Variants in C14orf132 observed in about 807,000 individuals in gnomAD.
The protein encoded by C14orf132 is chromosome 14 open reading frame 132.
In C14orf132, 6 loss-of-function variants were observed where a neutral mutation model predicts 5.8. The observed-to-expected ratio is 1.03, with a 90% CI of 0.57 to 2.04. The LOEUF (loss-of-function observed/expected upper bound fraction) is 2.04, where lower values mean the gene tolerates loss of function less well. Ranked by LOEUF, C14orf132 falls within the 30% of genes most tolerant of loss-of-function variation. C14orf132 has a pLI of 0.00. For synonymous variants in C14orf132, 51 were observed against 49.8 expected (o/e 1.02, Z -0.10); for missense variants, 125 against 115.8 (o/e 1.08, Z -0.37).
At position 96,065,731 on chromosome 14, in the gene C14orf132, A is replaced by G. The variant is rs953202630; in HGVS notation, c.28-20780A>G. The stretch of plus-strand genomic sequence containing the variant: ...AACGAGATAACAATTGAACAAACAC[A>G]TTCCCCACCCATCCTCCTAAGGCCC... On this transcript the variant is annotated intron_variant, in intron 1 of 1. Transcript: ENST00000555004. Among the ~76,000 whole-genome samples the G allele has an allele frequency of 2.0e-5, 3 of 152,022 alleles. No individual in the cohort carries two copies. The East Asian group carries it at 5.8e-4, about 29-fold the overall frequency.
rs78548502 is a variant in C14orf132 at position 96,056,760 on chromosome 14, A to G, written c.27+17233A>G. On this transcript the variant is annotated intron_variant, in intron 1 of 1. Coordinates refer to ENST00000555004, the MANE Select transcript of C14orf132 (RefSeq NM_001252507.3). Reference sequence around the variant, plus strand: ...ATCTCTTATTTCATGGGGAGATGGAAAAACTCCTGGAGTTGCAGTCAGAAA... The same window carrying G: ...ATCTCTTATTTCATGGGGAGATGGAGAAACTCCTGGAGTTGCAGTCAGAAA... Among the ~76,000 whole-genome samples the G allele has an allele frequency of 3.9e-5, 6 of 152,244 alleles. No homozygotes were observed. The East Asian group carries it at 1.2e-3, about 29-fold the overall frequency.
In C14orf132 at chr14:96,090,987, T is replaced by C. The variant is rs1438065214; in HGVS notation, c.*4252T>C. Reference sequence around the variant, plus strand: ...ACCGGTGCCAGTTTTGCACATCTTTTTGTTGCTCTATTTGTGTCTCATTTA... The same window carrying C: ...ACCGGTGCCAGTTTTGCACATCTTTCTGTTGCTCTATTTGTGTCTCATTTA... On this transcript the variant is annotated 3_prime_UTR_variant, in exon 2 of 2. Coordinates refer to ENST00000555004, the MANE Select transcript of C14orf132 (RefSeq NM_001252507.3). 2.2e-6 allele frequency: 1 copy of C among 456,050 alleles called. No individual in the cohort carries two copies. Among genetic ancestry groups the C allele is most frequent in the African/African-American group, 2.0e-5 (1 of 50,104 alleles). 28.3% of individuals were successfully genotyped at this position (456,050 alleles called of 1,614,324 possible). A position where few individuals can be genotyped will look rare whatever the true frequency, so the allele number is the denominator to read the frequency against.
chr14:96,074,890 A>T (rs1162875316), intron 1 of C14orf132, among the ~76,000 whole-genome samples: 2 of 148,456 alleles, frequency 1.3e-5, no homozygotes, highest in Non-Finnish European at 3.0e-5. Flanking sequence ...AATTGTTTTG[A>T]TTATGCTTAG....
chr14:96,066,480 G>A (rs532260665), intron 1 of C14orf132, among the ~76,000 whole-genome samples: 1 of 152,216 alleles, frequency 6.6e-6, no homozygotes, highest in South Asian at 2.1e-4. Context: ...CCAACTGTGG[G>A]TTGAGGCATG....
intron 1 of C14orf132, among the ~76,000 whole-genome samples, chr14:96,064,423 T>G (rs921409066): frequency 6.6e-6 from 1 of 150,460 alleles, no homozygotes; most frequent in Non-Finnish European, 1.5e-5. Context: ...TATACACATA[T>G]ATACACATAT....
chr14:96,085,718 T>C (rs999494285), intron 1 of C14orf132, among the ~76,000 whole-genome samples: 2 of 152,170 alleles, frequency 1.3e-5, no homozygotes, highest in African/African-American at 4.8e-5. Context: ...CCCTAATAGA[T>C]AACAATGTGT....
chr14:96,062,609 G>A (rs1224607678), intron 1 of C14orf132, among the ~76,000 whole-genome samples: 1 of 152,084 alleles, frequency 6.6e-6, no homozygotes, highest in Non-Finnish European at 1.5e-5. Context: ...AAGTCCTCCT[G>A]CCCAGCTCCC....
rs77519918 is a variant in C14orf132, at chr14:96,080,493, T to C, written c.28-6018T>C. Among the ~76,000 whole-genome samples the C allele has an allele frequency of 0.015, 2,346 of 152,284 alleles. 231 individuals carry two copies. The East Asian group carries it at 0.28, about 18-fold the overall frequency. On this transcript the variant is annotated intron_variant, in intron 1 of 1. Coordinates refer to ENST00000555004, the MANE Select transcript of C14orf132 (RefSeq NM_001252507.3). ...ACAAGCCATCACAATCACCCTTCTATTGTTTTGTGTTTACCCATCCTCTGA... is the reference window on the plus strand; with the variant it reads ...ACAAGCCATCACAATCACCCTTCTACTGTTTTGTGTTTACCCATCCTCTGA...
Position 96,088,947 on chromosome 14 carries a change from G to A in C14orf132, c.*2212G>A, listed in dbSNP as rs897625386. 2 of 152,292 alleles carry A rather than the reference G, an allele frequency of 1.3e-5. No homozygotes were observed. The highest frequency in any genetic ancestry group is 2.9e-5 in the Non-Finnish European group (2 of 68,082). 9.4% of individuals were successfully genotyped at this position (152,292 alleles called of 1,614,324 possible). On this transcript the variant is annotated 3_prime_UTR_variant, in exon 2 of 2. Coordinates refer to ENST00000555004, the MANE Select transcript of C14orf132 (RefSeq NM_001252507.3). The stretch of plus-strand genomic sequence containing the variant: ...GCCTCCAGCCCTAACATAAATGTCG[G>A]TTAAATTCAGTTTTCAAGCCTCTCT...
In C14orf132 at chr14:96,039,379, C is replaced by G. The variant is rs1171431566; in HGVS notation, c.-122C>G. ...CTGGAGCCAGAAGCCCAGAGACAGC[C>G]GAGTGCGCCGTGCGGTCTCCGGACG... is the stretch of plus-strand genomic sequence containing the variant. On this transcript the variant is annotated 5_prime_UTR_variant, in exon 1 of 2. Coordinates refer to ENST00000555004, the MANE Select transcript of C14orf132 (RefSeq NM_001252507.3). This position sits in a 1 kb window ranked among gnomAD's most constrained non-coding sequence, Gnocchi z 5.3. The G allele has an allele frequency of 3.0e-6, 3 of 989,188 alleles. No individual in the cohort carries two copies. Among genetic ancestry groups the G allele is most frequent in the Non-Finnish European group, 4.1e-6 (3 of 735,010 alleles). 61.3% of individuals were successfully genotyped at this position (989,188 alleles called of 1,614,324 possible). A position where few individuals can be genotyped will look rare whatever the true frequency, so the allele number is the denominator to read the frequency against.
chr14:96,054,138 C>G (rs1016108845), intron 1 of C14orf132, among the ~76,000 whole-genome samples: 1 of 152,206 alleles, frequency 6.6e-6, no homozygotes, highest in Non-Finnish European at 1.5e-5. Flanking sequence ...GAAGCACAGA[C>G]TGTAATGTGC....
chr14:96,051,175 C>T (rs988251468), intron 1 of C14orf132: 4 of 398,524 alleles, frequency 1.0e-5, no homozygotes, highest in Non-Finnish European at 1.8e-5. Context: ...ATGCATGGAC[C>T]AGCCTAACTC....
At chr14:96,047,669 G>T (rs553579516) in intron 1 of C14orf132, among the ~76,000 whole-genome samples, 11 of 152,316 alleles carry the variant, frequency 7.2e-5, no homozygotes, top group African/African-American at 2.6e-4. Context: ...GGCTTAGAGG[G>T]CACACAGCTG....
intron 1 of C14orf132, among the ~76,000 whole-genome samples, chr14:96,077,388 G>A (rs1402910281): frequency 2.0e-5 from 3 of 152,114 alleles, no homozygotes; most frequent in African/African-American, 7.2e-5. Context: ...GAGTGTATTT[G>A]GAGATAGGGT....
intron 1 of C14orf132, among the ~76,000 whole-genome samples, chr14:96,074,076 G>A (rs1268271419): frequency 2.0e-5 from 3 of 152,126 alleles, no homozygotes; most frequent in Non-Finnish European, 2.9e-5. Flanking sequence ...AATGGAGGCC[G>A]GGCTTAATAC....
chr14:96,041,084 C>A (rs1886682564), intron 1 of C14orf132, among the ~76,000 whole-genome samples: 2 of 152,180 alleles, frequency 1.3e-5, no homozygotes, highest in Non-Finnish European at 2.9e-5. Flanking sequence ...TCCTATTTTT[C>A]CTTTTTTGTT....
At chr14:96,076,275 T>C (rs1196086794) in intron 1 of C14orf132, among the ~76,000 whole-genome samples, 1 of 152,204 alleles carries the variant, frequency 6.6e-6, no homozygotes, top group Non-Finnish European at 1.5e-5. Flanking sequence ...GCAATATCCC[T>C]TTTCCATTTC....
chr14:96,063,111 G>A (rs1367106649), intron 1 of C14orf132, among the ~76,000 whole-genome samples: 3 of 152,114 alleles, frequency 2.0e-5, no homozygotes, highest in Non-Finnish European at 4.4e-5. Flanking sequence ...ATATCTGTTT[G>A]ATAGCTGGGT....
At chr14:96,074,227 G>A (rs955025536) in intron 1 of C14orf132, among the ~76,000 whole-genome samples, 1 of 152,178 alleles carries the variant, frequency 6.6e-6, no homozygotes, top group Admixed American at 6.6e-5. Flanking sequence ...TTTTCTTATT[G>A]TTGAGTTTTC....
Sources: gnomAD v4.1 joint callset for allele counts (sites outside exome capture counted in the v4.1 genomes callset) on GRCh38, gnomAD v4.1.1 for gene constraint, Gnocchi (gnomAD v3.1) non-coding constraint, MANE v1.5 for transcripts, NCBI Gene and HGNC (gene_info 2026-07-23, HGNC 2026-07-21) for gene names.